DLG2: variants seen among roughly 807,000 people sequenced by gnomAD.
DLG2 encodes the protein disks large homolog 2.
In DLG2, 45 loss-of-function variants were observed where a neutral mutation model predicts 132.5. That is an observed-to-expected ratio of 0.34 (90% CI 0.27 to 0.44). The LOEUF is 0.44. Ranked by LOEUF, DLG2 falls within the 20% of genes least tolerant of loss-of-function variation. DLG2 has a pLI of 1.00. For missense variants in DLG2, 1,045 were observed against 1,196.9 expected (o/e 0.87, Z 1.87); for synonymous variants, 424 against 419.6 (o/e 1.01, Z -0.13).
chr11:84,754,902 A>G (rs1277217598), intron 6 of DLG2, among the ~76,000 whole-genome samples: 1 of 152,180 alleles, frequency 6.6e-6, no homozygotes, highest in Non-Finnish European at 1.5e-5. Flanking sequence ...AGTATATGGC[A>G]AAGTTTCTGT....
intron 3 of DLG2, among the ~76,000 whole-genome samples, chr11:85,556,574 T>C (rs1022363160): frequency 6.6e-6 from 1 of 151,964 alleles, no homozygotes; most frequent in Non-Finnish European, 1.5e-5. Context: ...AAAGTGTTTC[T>C]TCAGATAAAT....
chr11:83,768,602 G>A (rs977018717), intron 18 of DLG2, among the ~76,000 whole-genome samples: 1 of 152,130 alleles, frequency 6.6e-6, no homozygotes, highest in Non-Finnish European at 1.5e-5. Context: ...ATTTTATTAA[G>A]CAACAACTTG....
At position 84,440,663 on chromosome 11, in the gene DLG2, C is replaced by A. The variant is rs142779804; in HGVS notation, c.519+93907G>T. On this transcript the variant is annotated intron_variant, in intron 7 of 27. Coordinates refer to ENST00000376104, the MANE Select transcript of DLG2 (RefSeq NM_001142699.3). ...TGTATATAATCAGTACCTGGACAGA[C>A]CTTTTCCTTTATAATTTTATTTTTA... 2.5e-3 allele frequency among the ~76,000 whole-genome samples: 378 copies of A among 152,248 alleles called. 3 individuals are homozygous for A. The highest frequency in any genetic ancestry group is 8.9e-3 in the African/African-American group (371 of 41,546).
chr11:85,593,339 A>T (rs911948144), intron 3 of DLG2, among the ~76,000 whole-genome samples: 16 of 152,202 alleles, frequency 1.1e-4, no homozygotes, highest in African/African-American at 3.9e-4. Flanking sequence ...AAATTTTAAC[A>T]TGCCTCAGAA....
At chr11:83,564,963 G>A (rs556199) in intron 19 of DLG2, among the ~76,000 whole-genome samples, 64,579 of 151,918 alleles carry the variant, frequency 0.43, 14,228 homozygotes, top group Admixed American at 0.52. Flanking sequence ...AATCCAAACA[G>A]TTTACATAAC....
At chr11:84,076,118 T>C (rs1245323659) in intron 10 of DLG2, among the ~76,000 whole-genome samples, 1 of 152,218 alleles carries the variant, frequency 6.6e-6, no homozygotes, top group African/African-American at 2.4e-5. Flanking sequence ...AACCCACTGG[T>C]GTCAGTCATT....
chr11:83,679,485 A>C (rs1341362039), intron 18 of DLG2, among the ~76,000 whole-genome samples: 1 of 152,198 alleles, frequency 6.6e-6, no homozygotes, highest in Admixed American at 6.5e-5. Context: ...TTTGGATACT[A>C]TCCTAGGAAT....
At position 85,505,371 on chromosome 11, in the gene DLG2, T is replaced by C. The variant is rs182075273; in HGVS notation, c.40+93286A>G. ...TGGCTGTGGGTTTGTCATAAAGAGG[T>C]CTTATTATTTTGAGATATGTCCCAT... On this transcript the variant is annotated intron_variant, in intron 3 of 27. Coordinates refer to ENST00000376104, the MANE Select transcript of DLG2 (RefSeq NM_001142699.3). Among the ~76,000 whole-genome samples, 1,517 of 152,160 alleles carry C rather than the reference T, an allele frequency of 1.0e-2. 20 individuals are homozygous for C. Among genetic ancestry groups the C allele is most frequent in the African/African-American group, 0.034 (1,430 of 41,530 alleles).
chr11:85,498,750 C>T (rs933655777), intron 3 of DLG2, among the ~76,000 whole-genome samples: 6 of 152,186 alleles, frequency 3.9e-5, no homozygotes, highest in African/African-American at 1.4e-4. Flanking sequence ...ACAGTGCAAT[C>T]AAATTAGAAC....
At chr11:84,279,472 G>A (rs887958576) in intron 7 of DLG2, among the ~76,000 whole-genome samples, 1 of 152,124 alleles carries the variant, frequency 6.6e-6, no homozygotes, top group South Asian at 2.1e-4. Context: ...ATACCCAAAG[G>A]ATTATAAGTC....
In DLG2 at chr11:83,616,811, A is replaced by G. The variant is rs375916277; in HGVS notation, c.1940+16400T>C. ...ATTTTTATCTATAATCCATGTAGAA[A>G]GATTTTTGTGTATAGTGTGAGGTTG... On this transcript the variant is annotated intron_variant, in intron 19 of 27. Coordinates refer to ENST00000376104, the MANE Select transcript of DLG2 (RefSeq NM_001142699.3). Among the ~76,000 whole-genome samples, 85 of 152,310 alleles carry G rather than the reference A, an allele frequency of 5.6e-4. No individual in the cohort carries two copies. The South Asian group carries it at 0.015, about 26-fold the overall frequency.
At position 83,833,704 on chromosome 11, in the gene DLG2, T is replaced by C; in HGVS notation, c.1632A>G (p.Glu544=). The C allele has an allele frequency of 6.2e-7, 1 of 1,614,124 alleles. No individual in the cohort carries two copies. Among genetic ancestry groups the C allele is most frequent in the Non-Finnish European group, 8.5e-7 (1 of 1,179,980 alleles). Residue 544 remains glutamate, a synonymous_variant, in exon 17 of 28, where the codon GAA becomes GAG. Coordinates refer to ENST00000376104, the MANE Select transcript of DLG2 (RefSeq NM_001142699.3). Reference sequence around the variant, plus strand: ...AGGACACAAAAATACCTTCTCCATCTTCCCCACCGACAATGTTGAAGCCCA... The same window carrying C: ...AGGACACAAAAATACCTTCTCCATCCTCCCCACCGACAATGTTGAAGCCCA... The part of the protein sequence containing the change: ...TGLGFNIVGG[E]DGEGIFVSFI...
intron 6 of DLG2, among the ~76,000 whole-genome samples, chr11:84,718,060 G>T (rs77057438): frequency 0.033 from 4,996 of 152,098 alleles, 235 homozygotes; most frequent in African/African-American, 0.11. Context: ...GAAGGCTACA[G>T]TAGAAAGTCC....
At chr11:84,816,851 G>T (rs758832397) in intron 6 of DLG2, among the ~76,000 whole-genome samples, 1 of 151,896 alleles carries the variant, frequency 6.6e-6, no homozygotes, top group Non-Finnish European at 1.5e-5. Context: ...AATGAAATGA[G>T]AATTATTTTG....
chr11:85,111,332 C>T (rs2072704925), intron 6 of DLG2, among the ~76,000 whole-genome samples: 1 of 152,076 alleles, frequency 6.6e-6, no homozygotes, highest in African/African-American at 2.4e-5. Context: ...TTCAAGGCAT[C>T]TAAAATCAAG....
intron 3 of DLG2, among the ~76,000 whole-genome samples, chr11:85,319,821 C>A (rs909058166): frequency 3.3e-5 from 5 of 151,952 alleles, no homozygotes; most frequent in Admixed American, 2.6e-4. Context: ...TCTCTGATGA[C>A]CTTCTCAATT....
intron 10 of DLG2, among the ~76,000 whole-genome samples, chr11:84,090,495 G>A (rs1432182538): frequency 6.7e-6 from 1 of 150,242 alleles, no homozygotes; most frequent in African/African-American, 2.5e-5. Flanking sequence ...CAAATGACGA[G>A]TAACATTTTT....
chr11:83,495,673 T>C lies in DLG2; in HGVS notation c.2194-11445A>G, dbSNP rs189389958. Among the ~76,000 whole-genome samples, 1,048 of 152,286 alleles carry C rather than the reference T, an allele frequency of 6.9e-3. 18 individuals carry two copies. The highest frequency in any genetic ancestry group is 0.024 in the African/African-American group (1,015 of 41,552). ...TATGGCTCTCCCCAAAACAATATTT[T>C]CAGCTTAGGCTGCTTTCCTGAACCT... On this transcript the variant is annotated intron_variant, in intron 21 of 27. Transcript: ENST00000376104.
intron 2 of DLG2, among the ~76,000 whole-genome samples, chr11:85,611,565 A>G (rs2081000890): frequency 6.6e-6 from 1 of 152,250 alleles, no homozygotes; most frequent in Non-Finnish European, 1.5e-5. Context: ...TGCCATAGTT[A>G]ATGATGTAAC....
Sources: allele counts gnomAD v4.1 joint callset (sites outside exome capture counted in the v4.1 genomes callset), GRCh38; gene constraint gnomAD v4.1.1; transcripts MANE v1.5; gene names NCBI Gene and HGNC (gene_info 2026-07-23, HGNC 2026-07-21).